CMYA5: variants seen among roughly 807,000 people sequenced by gnomAD.
CMYA5 encodes the protein cardiomyopathy-associated protein 5.
In CMYA5, 246 loss-of-function variants were observed where a neutral mutation model predicts 318.9. The ratio of observed to expected loss-of-function variants is 0.77; its 90% confidence interval spans 0.70 to 0.86. CMYA5 has a LOEUF of 0.86. Among genes scored for constraint, CMYA5 ranks in the 40% least tolerant of loss-of-function variants. The probability of loss-of-function intolerance (pLI) is 0.00; values close to 1 mark genes in which losing one functional copy is unlikely to be tolerated. For synonymous variants in CMYA5, 1,641 were observed against 1,729.5 expected (o/e 0.95, Z 1.27); for missense variants, 4,589 against 4,678.2 (o/e 0.98, Z 0.56).
rs752948838 is a variant in CMYA5 at position 79,793,487 on chromosome 5, G to T, written c.11840G>T (p.Trp3947Leu). 1.2e-6 allele frequency: 2 copies of T among 1,613,912 alleles called. No homozygotes were observed. Among genetic ancestry groups the T allele is most frequent in the Non-Finnish European group, 1.7e-6 (2 of 1,179,832 alleles). ...EELPSCGQHY[W>L]ETTVTDCPAY... Reference sequence around the variant, plus strand: ...CTGCCTTCCTGTGGCCAGCATTACTGGGAAACCACAGTCACAGACTGCCCA... The same window carrying T: ...CTGCCTTCCTGTGGCCAGCATTACTTGGAAACCACAGTCACAGACTGCCCA... Residue 3947 changes from tryptophan (W) to leucine (L), a missense_variant, in exon 12 of 13, where the codon TGG (tryptophan) becomes TTG (leucine). This residue lies in a region of CMYA5 where 2,431 missense variants were observed against 2,495.1 expected (regional missense o/e 0.97). Coordinates refer to ENST00000446378, the MANE Select transcript of CMYA5 (RefSeq NM_153610.5).
intron 1 of CMYA5, among the ~76,000 whole-genome samples, chr5:79,704,951 C>T (rs914271744): frequency 2.6e-4 from 40 of 152,200 alleles, no homozygotes; most frequent in African/African-American, 9.6e-4. Flanking sequence ...GCCTTAACCC[C>T]TTCTTAACAT....
chr5:79,768,672 C>T (rs774437639), intron 9 of CMYA5, among the ~76,000 whole-genome samples: 13 of 152,212 alleles, frequency 8.5e-5, no homozygotes, highest in African/African-American at 1.2e-4. Flanking sequence ...CGTTGTTAGT[C>T]TGATGGGCTT....
At chr5:79,715,294 T>TAA (rs1405800261) in intron 1 of CMYA5, among the ~76,000 whole-genome samples, 1 of 49,598 alleles carries the variant, frequency 2.0e-5, no homozygotes, top group Non-Finnish European at 3.8e-5. Flanking sequence ...ATAATAATAA[T>TAA]TTTTTTTTTC....
At position 79,732,425 on chromosome 5, in the gene CMYA5, AT is replaced by A; in HGVS notation, c.3661del (p.Ser1221HisfsTer18). Reference sequence around the variant, plus strand: ...ATTCTCAAGAAGCTACAGCACATGTATCACAGGATCAAAAAATGGAGCCTCA... The same window carrying A: ...ATTCTCAAGAAGCTACAGCACATGTACACAGGATCAAAAAATGGAGCCTCA... ...PDSQEATAHV[S>X]QDQKMEPQPP... On this transcript the variant is annotated frameshift_variant, in exon 2 of 13. Transcript: ENST00000446378. LOFTEE classifies it high-confidence loss of function. 1 of 1,613,688 alleles carries A rather than the reference AT, an allele frequency of 6.2e-7. No individual in the cohort carries two copies. Among genetic ancestry groups the A allele is most frequent in the Non-Finnish European group, 8.5e-7 (1 of 1,179,776 alleles).
chr5:79,767,243 A>G (rs920293048), intron 9 of CMYA5, among the ~76,000 whole-genome samples: 2 of 152,168 alleles, frequency 1.3e-5, no homozygotes, highest in African/African-American at 4.8e-5. Flanking sequence ...TAATCTTTTC[A>G]AAAAACCAGT....
chr5:79,694,216 A>G (rs143067563), intron 1 of CMYA5, among the ~76,000 whole-genome samples: 3,103 of 152,326 alleles, frequency 0.02, 48 homozygotes, highest in Non-Finnish European at 0.03. Flanking sequence ...TGTCTACTAT[A>G]CCAGTCAGGA....
rs1189150740 is a variant in CMYA5, at chr5:79,736,403, T to C, written c.7638T>C (p.Tyr2546=). 1 of 1,610,538 alleles carries C rather than the reference T, an allele frequency of 6.2e-7. No homozygotes were observed. Among genetic ancestry groups the C allele is most frequent in the Admixed American group, 1.7e-5 (1 of 59,330 alleles). ...EKGEEKENQV[Y]VLSEGKKQQE... Reference sequence around the variant, plus strand: ...GTGAAGAAAAAGAAAATCAGGTATATGTGCTTTCAGAAGGAAAGAAGCAGC... The same window carrying C: ...GTGAAGAAAAAGAAAATCAGGTATACGTGCTTTCAGAAGGAAAGAAGCAGC... The change falls in exon 2 of 13, where the codon TAT becomes TAC. Residue 2546 remains tyrosine, a synonymous_variant. Transcript: ENST00000446378.
intron 7 of CMYA5, among the ~76,000 whole-genome samples, chr5:79,760,697 T>C (rs562299559): frequency 3.3e-5 from 5 of 152,270 alleles, no homozygotes; most frequent in South Asian, 2.1e-4. Context: ...ACCAGGCTCT[T>C]CCTCCAACAC....
intron 4 of CMYA5, among the ~76,000 whole-genome samples, chr5:79,746,447 G>A (rs745707164): frequency 6.7e-6 from 1 of 148,620 alleles, no homozygotes; most frequent in Non-Finnish European, 1.5e-5. Flanking sequence ...GGCACTGTTT[G>A]TGAAGCATAA....
At chr5:79,764,699 A>T (rs1828716632) in intron 9 of CMYA5, among the ~76,000 whole-genome samples, 1 of 152,172 alleles carries the variant, frequency 6.6e-6, no homozygotes, top group Non-Finnish European at 1.5e-5. Flanking sequence ...CTGGTGTGAG[A>T]TGGTATCTCA....
rs767498328 is a variant in CMYA5, at chr5:79,738,509, C to T, written c.9744C>T (p.Leu3248=). 1.2e-6 allele frequency: 2 copies of T among 1,613,248 alleles called. No homozygotes were observed. Among genetic ancestry groups the T allele is most frequent in the East Asian group, 2.2e-5 (1 of 44,882 alleles). Residue 3248 remains leucine (L), a synonymous_variant, in exon 2 of 13, where the codon CTC becomes CTT. Transcript: ENST00000446378. ...AGTACATACTCAAAGATGACATTCTCCATGACACATCTCTAACTCAAAAGG... is the reference window on the plus strand; with the variant it reads ...AGTACATACTCAAAGATGACATTCTTCATGACACATCTCTAACTCAAAAGG... ...FEKYILKDDI[L]HDTSLTQKDQ...
intron 1 of CMYA5, among the ~76,000 whole-genome samples, chr5:79,712,380 A>C (rs1827411644): frequency 6.6e-6 from 1 of 151,824 alleles, no homozygotes; most frequent in South Asian, 2.1e-4. Context: ...TGCCCAGGTA[A>C]TTTTTGTATT....
chr5:79,746,803 A>T (rs1828332515), intron 4 of CMYA5, among the ~76,000 whole-genome samples: 1 of 152,144 alleles, frequency 6.6e-6, no homozygotes, highest in South Asian at 2.1e-4. Flanking sequence ...CCCGCTGATC[A>T]CAGAGACAGA....
Position 79,791,029 on chromosome 5 carries a change from G to A in CMYA5, c.11749G>A (p.Gly3917Arg), listed in dbSNP as rs200251867. The change falls in exon 11 of 13, where the codon GGG becomes AGG. Residue 3917 changes from glycine to arginine, a missense_variant. By Grantham distance (125) the Gly-to-Arg change is moderately radical (BLOSUM62 -2). Transcript: ENST00000446378. ...AHPALHISSS[G>R]TVISFGERRR... ...TCCTGCTCTACACATTTCCTCAAGTGGGACAGTGATCAGCTTTGGTGAGAG... is the reference window on the plus strand; with the variant it reads ...TCCTGCTCTACACATTTCCTCAAGTAGGACAGTGATCAGCTTTGGTGAGAG... 11 of 1,613,844 alleles carry A rather than the reference G, an allele frequency of 6.8e-6. No individual in the cohort carries two copies. The highest frequency in any genetic ancestry group is 9.3e-6 in the Non-Finnish European group (11 of 1,179,806).
At chr5:79,753,958 T>C (rs1828480726) in intron 6 of CMYA5, among the ~76,000 whole-genome samples, 1 of 152,244 alleles carries the variant, frequency 6.6e-6, no homozygotes, top group Non-Finnish European at 1.5e-5. Context: ...TATATGCCAC[T>C]GTTCATTTAG....
chr5:79,757,004 C>T (rs904228933), intron 6 of CMYA5, among the ~76,000 whole-genome samples: 4 of 151,990 alleles, frequency 2.6e-5, no homozygotes, highest in Admixed American at 6.6e-5. Context: ...ACCAGCCTGG[C>T]CAACACGGTG....
chr5:79,792,422 G>A (rs551667165), intron 11 of CMYA5, among the ~76,000 whole-genome samples: 6 of 152,344 alleles, frequency 3.9e-5, no homozygotes, highest in South Asian at 2.1e-4. Flanking sequence ...GAGGGTAAGA[G>A]TTCACAGATA....
At chr5:79,760,766 G>A (rs771124280) in intron 7 of CMYA5, among the ~76,000 whole-genome samples, 15 of 152,168 alleles carry the variant, frequency 9.9e-5, no homozygotes, top group Non-Finnish European at 2.1e-4. Context: ...CCATATCATA[G>A]GACCTTGCCT....
At chr5:79,719,021 G>A (rs895984242) in intron 1 of CMYA5, among the ~76,000 whole-genome samples, 2 of 152,092 alleles carry the variant, frequency 1.3e-5, no homozygotes, top group Admixed American at 1.3e-4. Flanking sequence ...ATGTATCCCT[G>A]TTGTTAAGTG....
Sources: gnomAD v4.1 joint callset for allele counts (sites outside exome capture counted in the v4.1 genomes callset) on GRCh38, gnomAD v4.1.1 for gene constraint, gnomAD v4.1.1 regional missense constraint, MANE v1.5 for transcripts, NCBI Gene and HGNC (gene_info 2026-07-23, HGNC 2026-07-21) for gene names.